The following ABCC8 variants were observed in gnomAD, a reference collection of about 807,000 sequenced individuals.
ABCC8 encodes the protein ATP binding cassette subfamily C member 8.
In ABCC8, 137 loss-of-function variants were observed where a neutral mutation model predicts 188.0. That is an observed-to-expected ratio of 0.73 (90% CI 0.63 to 0.84). The LOEUF (loss-of-function observed/expected upper bound fraction) is 0.84, where lower values mean the gene tolerates loss of function less well. ABCC8 is among the 40% of genes least tolerant of loss of function. The pLI, the probability that ABCC8 is intolerant of heterozygous loss-of-function variation, is 0.00. For missense variants in ABCC8, 1,750 were observed against 2,072.7 expected (o/e 0.84, Z 3.02); for synonymous variants, 797 against 846.5 (o/e 0.94, Z 1.01).
chr11:17,400,588 A>G (rs943952726), intron 29 of ABCC8, among the ~76,000 whole-genome samples: 4 of 152,194 alleles, frequency 2.6e-5, no homozygotes, highest in Non-Finnish European at 4.4e-5. Context: ...TCCTACATGA[A>G]CGAAAACAAC....
chr11:17,406,184 A>G (rs961725227), intron 26 of ABCC8, among the ~76,000 whole-genome samples: 6 of 152,142 alleles, frequency 3.9e-5, no homozygotes, highest in African/African-American at 1.4e-4. Flanking sequence ...GGCCTTTGAG[A>G]TTTTTATCCA....
chr11:17,397,804 A>G lies in ABCC8; in HGVS notation c.3754-7T>C, dbSNP rs764354868. 1 of 1,613,478 alleles carries G rather than the reference A, an allele frequency of 6.2e-7. No homozygotes were observed. Among genetic ancestry groups the G allele is most frequent in the East Asian group, 2.2e-5 (1 of 44,872 alleles). Reference sequence around the variant, plus strand: ...CACATGCACCGATGTACTCCTGGGGAGGGAGAGGAGCTGACCTGGGCGCTC... The same window carrying G: ...CACATGCACCGATGTACTCCTGGGGGGGGAGAGGAGCTGACCTGGGCGCTC... On this transcript the variant is annotated splice_polypyrimidine_tract_variant and splice_region_variant and intron_variant, in intron 30 of 38. Transcript: ENST00000389817.
At chr11:17,432,541 G>A (rs866774234) in intron 10 of ABCC8, among the ~76,000 whole-genome samples, 7 of 152,178 alleles carry the variant, frequency 4.6e-5, no homozygotes, top group Middle Eastern at 3.2e-3. Flanking sequence ...GGATGGGAGA[G>A]TTGGCTGGCT....
chr11:17,455,382 T>C (rs1956955047), intron 6 of ABCC8, among the ~76,000 whole-genome samples: 1 of 152,216 alleles, frequency 6.6e-6, no homozygotes, highest in South Asian at 2.1e-4. Flanking sequence ...TACTTAAATA[T>C]ACTCGTCGGT....
chr11:17,442,117 G>A (rs1956340040), intron 10 of ABCC8, among the ~76,000 whole-genome samples: 1 of 152,132 alleles, frequency 6.6e-6, no homozygotes. Context: ...TCAGTAAAAT[G>A]GTTTCAAGTA....
Position 17,427,621 on chromosome 11 carries a change from C to T in ABCC8, c.2116+246G>A, listed in dbSNP as rs1445059887. 6.6e-6 allele frequency among the ~76,000 whole-genome samples: 1 copy of T among 152,160 alleles called. No individual in the cohort carries two copies. The highest frequency in any genetic ancestry group is 1.5e-5 in the Non-Finnish European group (1 of 68,040). On this transcript the variant is annotated intron_variant, in intron 15 of 38. Transcript: ENST00000389817. The surrounding 1 kb of genome is among the most constrained non-coding windows in gnomAD (Gnocchi z 5.0). ...CACTTCTGATCTTTTTGTGCATTAC[C>T]TATACTGTCTGCAATGGATGGTTTG...
Position 17,420,716 on chromosome 11 carries a change from C to T in ABCC8, c.2223-3754G>A, listed in dbSNP as rs1011702040. Reference sequence around the variant, plus strand: ...CAGGGAAGTGGGAGCCTCTTCCCCACGCTGATCCTTTCCTCAGGGCCCTGG... The same window carrying T: ...CAGGGAAGTGGGAGCCTCTTCCCCATGCTGATCCTTTCCTCAGGGCCCTGG... On this transcript the variant is annotated intron_variant, in intron 16 of 38. Transcript: ENST00000389817. Among the ~76,000 whole-genome samples the T allele has an allele frequency of 2.0e-5, 3 of 152,226 alleles. No homozygotes were observed. The East Asian group carries it at 5.8e-4, about 29-fold the overall frequency.
chr11:17,463,665 A>G, intron 3 of ABCC8, 61 bp from the exon 4 acceptor site: 18 of 1,549,062 alleles, frequency 1.2e-5, no homozygotes, highest in Non-Finnish European at 1.6e-5. Flanking sequence ...ACACTCACAT[A>G]ATGTGTGCAA....
At position 17,463,516 on chromosome 11, in the gene ABCC8, T is replaced by A. The variant is rs1426055182; in HGVS notation, c.501A>T (p.Leu167=). 1.2e-6 allele frequency: 2 copies of A among 1,600,926 alleles called. No homozygotes were observed. The highest frequency in any genetic ancestry group is 1.7e-6 in the Non-Finnish European group (2 of 1,174,144). ...CCAGCAGCCCTGTGAGGCAGAAGCG[T>A]AGCTGCGAGAAGCCGATGGCGTGGT... ...FLDHAIGFSQ[L]RFCLTGLLVI... Residue 167 remains leucine (L), a synonymous_variant, in exon 4 of 39, where the codon CTA becomes CTT. Coordinates refer to ENST00000389817, the MANE Select transcript of ABCC8 (RefSeq NM_000352.6).
At chr11:17,416,654 C>T (rs1955089712) in intron 17 of ABCC8, among the ~76,000 whole-genome samples, 1 of 152,164 alleles carries the variant, frequency 6.6e-6, no homozygotes, top group African/African-American at 2.4e-5. Flanking sequence ...TATTTTCTGA[C>T]TCCATTCACC....
intron 6 of ABCC8, among the ~76,000 whole-genome samples, chr11:17,457,820 G>A (rs951469130): frequency 6.6e-6 from 1 of 152,226 alleles, no homozygotes; most frequent in African/African-American, 2.4e-5. Context: ...GGAAGGAAGA[G>A]TGATGATGAA....
chr11:17,431,165 A>G, intron 11 of ABCC8: 1 of 788,006 alleles, frequency 1.3e-6, no homozygotes, highest in Non-Finnish European at 2.0e-6. Context: ...GCTGGAGAGC[A>G]GGGGCTGCTC....
chr11:17,466,540 TAC>T (rs1357975361), intron 3 of ABCC8, among the ~76,000 whole-genome samples: 1 of 152,024 alleles, frequency 6.6e-6, no homozygotes, highest in Non-Finnish European at 1.5e-5. Context: ...ATTTAATGAG[TAC>T]AGAGTTTCAA....
intron 2 of ABCC8, 59 bp downstream of exon 2, chr11:17,474,827 C>T (rs1848667330): frequency 6.4e-7 from 1 of 1,570,516 alleles, no homozygotes; most frequent in Admixed American, 1.7e-5. Context: ...TCTCCTTGGG[C>T]CTTTCAGGAA....
chr11:17,460,671 C>T lies in ABCC8; in HGVS notation c.828G>A (p.Lys276=). 3 of 1,608,204 alleles carry T rather than the reference C, an allele frequency of 1.9e-6. No individual in the cohort carries two copies. Among genetic ancestry groups the T allele is most frequent in the South Asian group, 1.1e-5 (1 of 91,018 alleles). The part of the protein sequence containing the change: ...LCEAFDAQVR[K]DIQGTQGARA... ...GGGCACCTTGAGTGCCCTGAATGTC[C>T]TTCCGCTGCCCAGAGAGACCATGGC... The change falls in exon 6 of 39, where the codon AAG becomes AAA. Residue 276 remains lysine (K), a synonymous_variant. Transcript: ENST00000389817.
At chr11:17,448,426 A>G (rs1026696353) in intron 8 of ABCC8, 90 bp downstream of exon 8, 1 of 1,153,404 alleles carries the variant, frequency 8.7e-7, no homozygotes, top group African/African-American at 1.5e-5. Context: ...GGAGTGGAAG[A>G]CGGTGTGCTC....
Position 17,432,213 on chromosome 11 carries a change from A to C in ABCC8, c.1662T>G (p.Ala554=), listed in dbSNP as rs368782953. The change falls in exon 11 of 39, where the codon GCT becomes GCG. Residue 554 remains alanine (A), a synonymous_variant. Coordinates refer to ENST00000389817, the MANE Select transcript of ABCC8 (RefSeq NM_000352.6). ...GAAAGGATCCACTTACTATGAGGAC[A>C]GCTGCAATGGGGATGGCCGTGTTCA... ...IFMNTAIPIA[A]VLITFVGHVS... is the part of the protein sequence containing the mutation. 1.0e-5 allele frequency: 16 copies of C among 1,552,948 alleles called. No homozygotes were observed. The African/African-American group carries it at 1.9e-4, about 19-fold the overall frequency.
chr11:17,393,367 G>A (rs1365233996), intron 38 of ABCC8, among the ~76,000 whole-genome samples: 1 of 152,128 alleles, frequency 6.6e-6, no homozygotes, highest in Non-Finnish European at 1.5e-5. Context: ...AGGCTTCAAG[G>A]CTCAGAGACC....
At chr11:17,469,071 T>TTCC in intron 3 of ABCC8, among the ~76,000 whole-genome samples, 1 of 20,692 alleles carries the variant, frequency 4.8e-5, no homozygotes, top group Non-Finnish European at 1.0e-4. Flanking sequence ...CCTCCCTCCC[T>TTCC]TCCCTCCCTC....
Sources: gnomAD v4.1 joint callset for allele counts (sites outside exome capture counted in the v4.1 genomes callset) on GRCh38, gnomAD v4.1.1 for gene constraint, Gnocchi (gnomAD v3.1) non-coding constraint, MANE v1.5 for transcripts, NCBI Gene and HGNC (gene_info 2026-07-23, HGNC 2026-07-21) for gene names.